PCDHA3: variants seen among roughly 807,000 people sequenced by gnomAD.
The protein encoded by PCDHA3 is protocadherin alpha-3.
Under a neutral mutation model 62.2 loss-of-function variants are expected in PCDHA3, and 41 were observed. The observed-to-expected ratio is 0.66, with a 90% CI of 0.51 to 0.86. The LOEUF (loss-of-function observed/expected upper bound fraction) is 0.86. PCDHA3 is among the 40% of genes least tolerant of loss of function. The pLI is 0.00. For synonymous variants in PCDHA3, 640 were observed against 555.4 expected (o/e 1.15, Z -2.14); for missense variants, 1,304 against 1,241.2 (o/e 1.05, Z -0.76).
intron 1 of PCDHA3, chr5:140,836,533 T>C (rs1554136046): frequency 1.2e-6 from 2 of 1,613,852 alleles, no homozygotes; most frequent in South Asian, 1.1e-5. Flanking sequence ...ACCCTGCTGC[T>C]GTACACGGCG....
At chr5:140,884,493 C>T (rs782633321) in intron 1 of PCDHA3, 2 of 1,614,038 alleles carry the variant, frequency 1.2e-6, no homozygotes, top group African/African-American at 1.3e-5. Flanking sequence ...CTAGTGTGCT[C>T]CAGCGCGGCA....
At position 140,857,263 on chromosome 5, in the gene PCDHA3, A is replaced by G. The variant is rs367883816; in HGVS notation, c.2394+53672A>G. On this transcript the variant is annotated intron_variant, in intron 1 of 3. Coordinates refer to ENST00000522353, the MANE Select transcript of PCDHA3 (RefSeq NM_018906.3). The stretch of plus-strand genomic sequence containing the variant: ...TGTCCACCTACAAGAATTACTACTC[A>G]TTGGTGCTGGACAGCGCTCTGGACC... 5.0e-5 allele frequency: 80 copies of G among 1,598,534 alleles called. 2 individuals carry two copies. In the East Asian group the frequency reaches 1.3e-3, roughly 25 times the overall value.
At chr5:140,942,541 G>T (rs1241528363) in intron 1 of PCDHA3, among the ~76,000 whole-genome samples, 1 of 152,056 alleles carries the variant, frequency 6.6e-6, no homozygotes, top group Non-Finnish European at 1.5e-5. Context: ...CAGTATGGTG[G>T]GGGGTAGGGG....
At chr5:140,870,938 C>T in intron 1 of PCDHA3, 5 of 1,613,724 alleles carry the variant, frequency 3.1e-6, no homozygotes, top group East Asian at 2.2e-5. Flanking sequence ...GAATTGCAGC[C>T]GGCGGCGGGC....
intron 1 of PCDHA3, among the ~76,000 whole-genome samples, chr5:140,936,094 T>C (rs2090766117): frequency 6.6e-6 from 1 of 152,116 alleles, no homozygotes; most frequent in South Asian, 2.1e-4. Flanking sequence ...GGTTTCACCA[T>C]GTTGGCCAGG....
At chr5:140,869,837 C>G (rs374182289) in intron 1 of PCDHA3, 1 of 1,611,484 alleles carries the variant, frequency 6.2e-7, no homozygotes, top group African/African-American at 1.3e-5. Context: ...TTTGATAAAT[C>G]AGAATATAAG....
At position 140,852,925 on chromosome 5, in the gene PCDHA3, C is replaced by G. The variant is rs2150525482; in HGVS notation, c.2394+49334C>G. 94 of 702,082 alleles carry G rather than the reference C, an allele frequency of 1.3e-4. 5 individuals are homozygous for G. The South Asian group carries it at 4.5e-3, about 34-fold the overall frequency. The allele number at this position is 702,082 out of a possible 1,614,324, so 43.5% of individuals were successfully genotyped here. On this transcript the variant is annotated intron_variant, in intron 1 of 3. Coordinates refer to ENST00000522353, the MANE Select transcript of PCDHA3 (RefSeq NM_018906.3). ...TCAGAGTCTCGCTCTGTTGCCCAGG[C>G]TGGAGTGCAGTGGTGCCATCTTGGC...
intron 1 of PCDHA3, among the ~76,000 whole-genome samples, chr5:140,831,979 C>T (rs2150198667): frequency 6.6e-6 from 1 of 152,178 alleles, no homozygotes; most frequent in East Asian, 1.9e-4. Context: ...CTAGGAAACT[C>T]TCATTACGGA....
intron 3 of PCDHA3, among the ~76,000 whole-genome samples, chr5:140,984,315 C>G (rs1254013417): frequency 1.3e-5 from 2 of 152,124 alleles, no homozygotes; most frequent in African/African-American, 4.8e-5. Flanking sequence ...GTGTGTATTC[C>G]TAGGCAAATG....
chr5:140,860,681 T>G (rs2046516125), intron 1 of PCDHA3: 1 of 152,216 alleles, frequency 6.6e-6, no homozygotes, highest in Non-Finnish European at 1.5e-5. Context: ...TGCACTTATG[T>G]TTTGAGCGAC....
At chr5:140,842,129 G>A (rs1181203703) in intron 1 of PCDHA3, 2 of 1,613,748 alleles carry the variant, frequency 1.2e-6, no homozygotes, top group Non-Finnish European at 1.7e-6. Context: ...TTCTGATCCG[G>A]ATGAAGGAGC....
chr5:140,808,858 C>T (rs1451689285), intron 1 of PCDHA3: 2 of 1,613,088 alleles, frequency 1.2e-6, no homozygotes, highest in African/African-American at 1.3e-5. Flanking sequence ...TCGTGCTGGA[C>T]GAAAACGACA....
intron 1 of PCDHA3, among the ~76,000 whole-genome samples, chr5:140,846,792 C>A (rs1780678433): frequency 6.7e-6 from 1 of 149,422 alleles, no homozygotes. Context: ...TACTGAGCCC[C>A]AGCCCCTGGC....
intron 3 of PCDHA3, among the ~76,000 whole-genome samples, chr5:141,000,387 C>A (rs868946328): frequency 8.2e-4 from 55 of 66,860 alleles, no homozygotes; most frequent in African/African-American, 2.7e-3. Context: ...CTCTCTCTCT[C>A]TCTCTCTCTA....
Position 140,918,450 on chromosome 5 carries a change from G to A in PCDHA3, c.2395-60499G>A, listed in dbSNP as rs7725108. On this transcript the variant is annotated intron_variant, in intron 1 of 3. Transcript: ENST00000522353. ...TGTTGAATAGGAGTGGTGACAGTGGGCATCCTTGTCTTATTCCAAGTCTCA... is the reference window on the plus strand; with the variant it reads ...TGTTGAATAGGAGTGGTGACAGTGGACATCCTTGTCTTATTCCAAGTCTCA... Among the ~76,000 whole-genome samples, 323 of 152,246 alleles carry A rather than the reference G, an allele frequency of 2.1e-3. 2 individuals carry two copies. The highest frequency in any genetic ancestry group is 7.4e-3 in the African/African-American group (306 of 41,540).
chr5:141,000,419 A>ATTTTT (rs1563652468), intron 3 of PCDHA3, among the ~76,000 whole-genome samples: 15 of 60,994 alleles, frequency 2.5e-4, no homozygotes, highest in East Asian at 5.4e-4. Flanking sequence ...ATATATATAT[A>ATTTTT]TATTTTTTTT....
chr5:140,869,157 TCTC>T (rs1201897612), intron 1 of PCDHA3: 2 of 1,613,798 alleles, frequency 1.2e-6, no homozygotes, highest in South Asian at 1.1e-5. Context: ...AGCTCTGGCT[TCTC>T]CTCCTCGAAT....
At chr5:140,848,891 G>A in intron 1 of PCDHA3, 1 of 1,600,726 alleles carries the variant, frequency 6.2e-7, no homozygotes, top group South Asian at 1.1e-5. Flanking sequence ...ACCCTCCAGT[G>A]TTCCCAGCGA....
At chr5:140,838,166 T>C (rs1354444358) in intron 1 of PCDHA3, among the ~76,000 whole-genome samples, 1 of 147,660 alleles carries the variant, frequency 6.8e-6, no homozygotes, top group African/African-American at 2.5e-5. Context: ...CTCTCTGGAG[T>C]GCAGTGGTGC....
Sources: allele counts gnomAD v4.1 joint callset (sites outside exome capture counted in the v4.1 genomes callset), GRCh38; gene constraint gnomAD v4.1.1; transcripts MANE v1.5; gene names NCBI Gene and HGNC (gene_info 2026-07-23, HGNC 2026-07-21).